Variants in ADNP observed in about 807,000 individuals in gnomAD.
The protein encoded by ADNP is activity-dependent neuroprotector homeobox protein.
ADNP carries 4 observed loss-of-function variants against 84.9 expected under a neutral mutation model. The observed-to-expected ratio is 0.05, with a 90% CI of 0.02 to 0.11. The LOEUF is 0.11. Ranked by LOEUF, ADNP falls within the 10% of genes least tolerant of loss-of-function variation. The pLI is 1.00. For missense variants in ADNP, 1,132 were observed against 1,326.0 expected (o/e 0.85, Z 2.27); for synonymous variants, 554 against 468.1 (o/e 1.18, Z -2.37).
intron 2 of ADNP, among the ~76,000 whole-genome samples, chr20:50,908,996 A>G (rs889593984): frequency 1.3e-5 from 2 of 151,804 alleles, no homozygotes; most frequent in African/African-American, 4.8e-5. Flanking sequence ...AATGCCAAAA[A>G]TTGTCCCAGA....
intron 5 of ADNP, among the ~76,000 whole-genome samples, chr20:50,900,829 AAAAG>A (rs1280404126): frequency 7.9e-5 from 12 of 152,222 alleles, no homozygotes; most frequent in Admixed American, 1.3e-4. Context: ...AGCGCTGATC[AAAAG>A]AAAGACTGAT....
At chr20:50,924,282 C>T (rs962098299) in intron 2 of ADNP, among the ~76,000 whole-genome samples, 1 of 152,196 alleles carries the variant, frequency 6.6e-6, no homozygotes, top group Admixed American at 6.5e-5. Flanking sequence ...TATGCTACTC[C>T]AATTAACTGC....
chr20:50,920,354 A>C lies in ADNP; in HGVS notation c.-90+8297T>G, dbSNP rs547575582. On this transcript the variant is annotated intron_variant, in intron 2 of 5. Transcript: ENST00000621696. Reference sequence around the variant, plus strand: ...CCAGCACTTTGGGAGGCCAAGGCAGACAGATCACTTGAGGTCAGGAGTTTG... The same window carrying C: ...CCAGCACTTTGGGAGGCCAAGGCAGCCAGATCACTTGAGGTCAGGAGTTTG... Among the ~76,000 whole-genome samples the C allele has an allele frequency of 5.3e-5, 8 of 151,758 alleles. No individual in the cohort carries two copies. In the South Asian group the frequency reaches 1.7e-3, roughly 32 times the overall value.
rs182530989 is a variant in ADNP, at chr20:50,891,327, G to C, written c.*78C>G. On this transcript the variant is annotated 3_prime_UTR_variant, in exon 6 of 6. Coordinates refer to ENST00000621696, the MANE Select transcript of ADNP (RefSeq NM_001282531.3). The stretch of plus-strand genomic sequence containing the variant: ...CCAGTACTCACAAGGCAGTACCAGT[G>C]AGAAGACAGCTTTGCAGTCACACTG... The C allele has an allele frequency of 2.8e-5, 41 of 1,471,368 alleles. No homozygotes were observed. The East Asian group carries it at 9.7e-4, about 35-fold the overall frequency. 91.1% of individuals were successfully genotyped at this position (1,471,368 alleles called of 1,614,324 possible).
At chr20:50,903,774 C>A in intron 4 of ADNP, 115 bp downstream of exon 4, 1 of 746,348 alleles carries the variant, frequency 1.3e-6, no homozygotes, top group South Asian at 1.8e-5. Flanking sequence ...CGTGAAGCTA[C>A]TGCTGTGGCT....
intron 2 of ADNP, among the ~76,000 whole-genome samples, chr20:50,919,031 T>A (rs1009842371): frequency 5.3e-4 from 81 of 152,166 alleles, no homozygotes; most frequent in Non-Finnish European, 1.5e-4. Flanking sequence ...AGAGATTTAG[T>A]ACAATATCAC....
chr20:50,918,714 C>A (rs1266523637), intron 2 of ADNP, among the ~76,000 whole-genome samples: 4 of 152,132 alleles, frequency 2.6e-5, no homozygotes, highest in Non-Finnish European at 5.9e-5. Flanking sequence ...TCAGAGAATT[C>A]CCATGTGTTA....
intron 2 of ADNP, chr20:50,913,835 T>C (rs866767863): frequency 3.9e-6 from 2 of 518,404 alleles, no homozygotes; most frequent in African/African-American, 2.0e-5. Flanking sequence ...CTATGAGAAC[T>C]GACCAGGACA....
intron 5 of ADNP, among the ~76,000 whole-genome samples, chr20:50,894,884 C>T (rs1032547319): frequency 2.6e-5 from 4 of 151,812 alleles, no homozygotes; most frequent in Non-Finnish European, 5.9e-5. Flanking sequence ...GCGACAAGAG[C>T]GAAACTGTCT....
intron 2 of ADNP, among the ~76,000 whole-genome samples, chr20:50,914,764 C>G (rs867774673): frequency 2.0e-5 from 3 of 152,162 alleles, no homozygotes; most frequent in Admixed American, 6.5e-5. Flanking sequence ...CTAGATGGTT[C>G]TAGGTGGACT....
At chr20:50,929,538 TC>T (rs886583893) in intron 1 of ADNP, among the ~76,000 whole-genome samples, 1 of 152,116 alleles carries the variant, frequency 6.6e-6, no homozygotes, top group African/African-American at 2.4e-5. Context: ...CGGGGGCCCT[TC>T]CCCCCTCTGC....
chr20:50,913,307 G>C (rs1165433659), intron 2 of ADNP, among the ~76,000 whole-genome samples: 1 of 95,822 alleles, frequency 1.0e-5, no homozygotes, highest in Non-Finnish European at 2.2e-5. Context: ...TATTTTCTAA[G>C]TTAATAAAAA....
chr20:50,919,291 GTATATATA>G (rs199569280), intron 2 of ADNP, among the ~76,000 whole-genome samples: 4 of 77,214 alleles, frequency 5.2e-5, no homozygotes, highest in Middle Eastern at 6.3e-3. Flanking sequence ...ATATTTAAGT[GTATATATA>G]TATATATATA....
At chr20:50,922,583 T>G (rs1047810503) in intron 2 of ADNP, among the ~76,000 whole-genome samples, 1 of 147,404 alleles carries the variant, frequency 6.8e-6, no homozygotes, top group Admixed American at 6.7e-5. Context: ...CCTGCGTTTT[T>G]TTTTTTTTTT....
chr20:50,892,577 C>G lies in ADNP; in HGVS notation c.2137G>C (p.Ala713Pro). 1 of 1,614,194 alleles carries G rather than the reference C, an allele frequency of 6.2e-7. No homozygotes were observed. The highest frequency in any genetic ancestry group is 8.5e-7 in the Non-Finnish European group (1 of 1,180,038). ...PSRLNQSPSL[A>P]PVKRTYEQME... ...TGCTCGTAAGTGCGCTTCACAGGTGCCAGACTTGGAGACTGATTAAGCCGA... is the reference window on the plus strand; with the variant it reads ...TGCTCGTAAGTGCGCTTCACAGGTGGCAGACTTGGAGACTGATTAAGCCGA... The change falls in exon 6 of 6, where the codon GCA becomes CCA. Residue 713 changes from alanine (A) to proline (P), a missense_variant. Ala to Pro is a conservative substitution (Grantham distance 27, BLOSUM62 -1). Around this residue, in one of 10 missense-constraint regions of ADNP, gnomAD observed 101 missense variants for 78.5 expected, o/e 1.29. Transcript: ENST00000621696.
rs201104498 is a variant in ADNP at position 50,891,899 on chromosome 20, T to C, written c.2815A>G (p.Ile939Val). 2 of 1,614,238 alleles carry C rather than the reference T, an allele frequency of 1.2e-6. No homozygotes were observed. Residue 939 changes from isoleucine to valine, a missense_variant, in exon 6 of 6, where the codon ATT becomes GTT. By Grantham distance (29) the Ile-to-Val change is conservative. Transcript: ENST00000621696. ...QKEDGSKYETIHLTEEPTKLM... is the reference protein window; with the variant it reads ...QKEDGSKYETVHLTEEPTKLM... ...TTGGTTGGTTCCTCAGTCAAATGAA[T>C]AGTTTCGTATTTTGAACCATCCTCT...
At chr20:50,900,740 C>A (rs971289327) in intron 5 of ADNP, among the ~76,000 whole-genome samples, 1 of 152,176 alleles carries the variant, frequency 6.6e-6, no homozygotes, top group Non-Finnish European at 1.5e-5. Context: ...TTCCTTTCCT[C>A]ATTATGGATA....
intron 5 of ADNP, among the ~76,000 whole-genome samples, chr20:50,900,381 T>A (rs991266877): frequency 2.6e-5 from 4 of 152,214 alleles, no homozygotes; most frequent in African/African-American, 9.6e-5. Flanking sequence ...TTATGATGTT[T>A]GTACAACAAT....
At position 50,890,433 on chromosome 20, in the gene ADNP, A is replaced by T. The variant is rs1980565959; in HGVS notation, c.*972T>A. ...ATCACAAAATTATACATACTACAAC[A>T]GTGTGTCATATATTAGATGGTATAA... On this transcript the variant is annotated 3_prime_UTR_variant, in exon 6 of 6. Transcript: ENST00000621696. 6.6e-6 allele frequency: 1 copy of T among 152,158 alleles called. No individual in the cohort carries two copies. The highest frequency in any genetic ancestry group is 2.4e-5 in the African/African-American group (1 of 41,162). 9.4% of individuals were successfully genotyped at this position (152,158 alleles called of 1,614,324 possible). A position where few individuals can be genotyped will look rare whatever the true frequency, so the allele number is the denominator to read the frequency against.
Sources: gnomAD v4.1 joint callset for allele counts (sites outside exome capture counted in the v4.1 genomes callset) on GRCh38, gnomAD v4.1.1 for gene constraint, gnomAD v4.1.1 regional missense constraint, MANE v1.5 for transcripts, NCBI Gene and HGNC (gene_info 2026-07-23, HGNC 2026-07-21) for gene names.